The following ASTN2 variants were observed in gnomAD, a reference collection of about 807,000 sequenced individuals.
The protein encoded by ASTN2 is astrotactin 2.
Under a neutral mutation model 139.8 loss-of-function variants are expected in ASTN2, and 54 were observed. The ratio of observed to expected loss-of-function variants is 0.39; its 90% CI spans 0.31 to 0.48. The LOEUF is 0.48. ASTN2 is among the 20% of genes least tolerant of loss of function. The pLI is 0.95. For missense variants in ASTN2, 1,565 were observed against 1,725.1 expected, an observed-to-expected ratio of 0.91 and a Z score of 1.64; for synonymous variants, 756 against 719.5, an observed-to-expected ratio of 1.05 and a Z score of -0.81.
At chr9:117,166,839 C>A (rs575190629) in intron 3 of ASTN2, among the ~76,000 whole-genome samples, 1 of 152,192 alleles carries the variant, frequency 6.6e-6, no homozygotes, top group African/African-American at 2.4e-5. Context: ...TATTTAAGAA[C>A]CTGGCATGAC....
At chr9:116,653,131 C>T (rs548283188) in intron 16 of ASTN2, among the ~76,000 whole-genome samples, 1 of 152,348 alleles carries the variant, frequency 6.6e-6, no homozygotes, top group South Asian at 2.1e-4. Flanking sequence ...CATTCCTACC[C>T]ACTTTCAGTG....
At chr9:117,288,915 G>C (rs1304960526) in intron 2 of ASTN2, among the ~76,000 whole-genome samples, 1 of 152,178 alleles carries the variant, frequency 6.6e-6, no homozygotes, top group Non-Finnish European at 1.5e-5. Context: ...ATACCCTTAA[G>C]TGCCAAGCTC....
chr9:117,031,205 T>G (rs150473360), intron 6 of ASTN2, among the ~76,000 whole-genome samples: 2 of 152,128 alleles, frequency 1.3e-5, no homozygotes, highest in African/African-American at 4.8e-5. Context: ...AAGTCAATCA[T>G]AGAAGAAGAG....
chr9:117,289,306 G>A (rs1203416567), intron 2 of ASTN2, among the ~76,000 whole-genome samples: 5 of 152,152 alleles, frequency 3.3e-5, no homozygotes, highest in African/African-American at 2.4e-5. Flanking sequence ...CAGCTTCCAC[G>A]TTACCTACTC....
intron 13 of ASTN2, among the ~76,000 whole-genome samples, chr9:116,792,105 A>G (rs1051676006): frequency 4.6e-5 from 7 of 152,146 alleles, no homozygotes; most frequent in African/African-American, 1.7e-4. Context: ...CTCTCTTACC[A>G]TAAATACGGG....
intron 19 of ASTN2, among the ~76,000 whole-genome samples, chr9:116,531,590 C>G (rs1446672409): frequency 6.7e-6 from 1 of 149,592 alleles, no homozygotes; most frequent in African/African-American, 2.5e-5. Context: ...TGTTCAATTC[C>G]CATCTATGAG....
At chr9:117,261,721 G>C (rs1833826388) in intron 2 of ASTN2, among the ~76,000 whole-genome samples, 1 of 152,090 alleles carries the variant, frequency 6.6e-6, no homozygotes, top group South Asian at 2.1e-4. Context: ...ATCACTCAAG[G>C]CACCTGTGGT....
intron 3 of ASTN2, among the ~76,000 whole-genome samples, chr9:117,181,980 T>C (rs1831080782): frequency 1.3e-5 from 2 of 152,124 alleles, no homozygotes; most frequent in African/African-American, 2.4e-5. Context: ...CCCCACCCCA[T>C]GCTGCCACCT....
At chr9:116,481,620 A>G (rs1461911813) in intron 20 of ASTN2, among the ~76,000 whole-genome samples, 1 of 152,194 alleles carries the variant, frequency 6.6e-6, no homozygotes. Flanking sequence ...CAATCTTATG[A>G]AAATGTTGAA....
At chr9:116,666,505 G>C (rs544508019) in intron 16 of ASTN2, among the ~76,000 whole-genome samples, 3 of 152,110 alleles carry the variant, frequency 2.0e-5, no homozygotes, top group East Asian at 3.9e-4. Flanking sequence ...AATACTTGTG[G>C]TTGACCAAAC....
At chr9:117,231,096 G>T (rs2133056492) in intron 2 of ASTN2, among the ~76,000 whole-genome samples, 1 of 152,306 alleles carries the variant, frequency 6.6e-6, no homozygotes, top group South Asian at 2.1e-4. Flanking sequence ...CCTATCTACA[G>T]CACTCTCTGA....
intron 13 of ASTN2, among the ~76,000 whole-genome samples, chr9:116,769,466 T>C (rs1829899758): frequency 6.6e-6 from 1 of 152,054 alleles, no homozygotes; most frequent in Non-Finnish European, 1.5e-5. Context: ...AGGTGGTAGC[T>C]AAAGGCAAAT....
At chr9:117,361,737 T>C (rs1428159818) in intron 1 of ASTN2, among the ~76,000 whole-genome samples, 1 of 152,052 alleles carries the variant, frequency 6.6e-6, no homozygotes, top group African/African-American at 2.4e-5. Flanking sequence ...AACTGTTGAG[T>C]GTAAATTTTA....
At chr9:116,915,306 A>G (rs1276796957) in intron 10 of ASTN2, among the ~76,000 whole-genome samples, 1 of 152,234 alleles carries the variant, frequency 6.6e-6, no homozygotes, top group Non-Finnish European at 1.5e-5. Context: ...GCACATCAGC[A>G]CAAGGTCTCA....
chr9:117,311,679 AT>A (rs1404347735), intron 1 of ASTN2, among the ~76,000 whole-genome samples: 1 of 152,122 alleles, frequency 6.6e-6, no homozygotes, highest in East Asian at 1.9e-4. Context: ...TGACTGATAT[AT>A]TCATTCTTTT....
intron 19 of ASTN2, among the ~76,000 whole-genome samples, chr9:116,513,961 C>T (rs537377798): frequency 1.1e-3 from 160 of 151,620 alleles, no homozygotes; most frequent in African/African-American, 3.7e-3. Flanking sequence ...TCCTTTAGCT[C>T]GGAGAAGTTT....
chr9:117,263,191 T>C (rs1833865105), intron 2 of ASTN2, among the ~76,000 whole-genome samples: 5 of 152,184 alleles, frequency 3.3e-5, no homozygotes, highest in Admixed American at 3.3e-4. Flanking sequence ...GACTCCTTTT[T>C]TTCTCTCTTT....
chr9:117,352,006 A>T (rs1017293257), intron 1 of ASTN2, among the ~76,000 whole-genome samples: 3 of 152,186 alleles, frequency 2.0e-5, no homozygotes, highest in Admixed American at 1.3e-4. Flanking sequence ...CTTACTATTA[A>T]TATCTTTTTA....
At position 117,161,355 on chromosome 9, in the gene ASTN2, G is replaced by A. The variant is rs574063394; in HGVS notation, c.1016-19877C>T. 2.5e-3 allele frequency among the ~76,000 whole-genome samples: 384 copies of A among 152,122 alleles called. 1 individual carries two copies. The highest frequency in any genetic ancestry group is 6.8e-3 in the Middle Eastern group (2 of 294). On this transcript the variant is annotated intron_variant, in intron 3 of 22. Coordinates refer to ENST00000313400, the MANE Select transcript of ASTN2 (RefSeq NM_001365068.1). ...AGTGAGAGAAAGCGCTTCCATTGAG[G>A]AGAACTGGAGCAGCTTTATGAAAGA... is the stretch of plus-strand genomic sequence containing the variant.
Sources: gnomAD v4.1 joint callset for allele counts (sites outside exome capture counted in the v4.1 genomes callset) on GRCh38, gnomAD v4.1.1 for gene constraint, MANE v1.5 for transcripts, NCBI Gene and HGNC (gene_info 2026-07-23, HGNC 2026-07-21) for gene names.